The following AUTS2 variants were observed in gnomAD, a reference collection of about 807,000 sequenced individuals.
AUTS2 encodes the protein autism susceptibility gene 2 protein.
A neutral mutation model predicts 112.4 loss-of-function variants in AUTS2; 17 were observed. The observed-to-expected ratio is 0.15, with a 90% CI of 0.10 to 0.23. AUTS2 has a LOEUF of 0.23. Ranked by LOEUF, AUTS2 falls within the 10% of genes least tolerant of loss-of-function variation. The pLI is 1.00. For missense variants in AUTS2, 1,510 were observed against 1,701.6 expected, an observed-to-expected ratio of 0.89 and a Z score of 1.98; for synonymous variants, 751 against 702.7, an observed-to-expected ratio of 1.07 and a Z score of -1.09.
At chr7:70,332,107 A>G (rs1790779310) in intron 4 of AUTS2, among the ~76,000 whole-genome samples, 1 of 152,264 alleles carries the variant, frequency 6.6e-6, no homozygotes, top group African/African-American at 2.4e-5. Context: ...AAGCAACTTC[A>G]GCAAAATCCC....
chr7:70,145,609 T>C (rs1807084881), intron 4 of AUTS2, among the ~76,000 whole-genome samples: 2 of 152,150 alleles, frequency 1.3e-5, no homozygotes, highest in South Asian at 4.1e-4. Context: ...CTATTATTTG[T>C]AGTAGGTCTA....
chr7:70,276,948 G>T (rs1787957109), intron 4 of AUTS2, among the ~76,000 whole-genome samples: 1 of 152,172 alleles, frequency 6.6e-6, no homozygotes, highest in Non-Finnish European at 1.5e-5. Context: ...GGAAAGATGT[G>T]GGGAAGGGGA....
At chr7:70,304,717 CTTTTTTTTTTT>C (rs11464532) in intron 4 of AUTS2, among the ~76,000 whole-genome samples, 1 of 101,324 alleles carries the variant, frequency 9.9e-6, no homozygotes, top group Non-Finnish European at 1.9e-5. Flanking sequence ...GGATTTTTAA[CTTTTTTTTTTT>C]TTTTTTTTTT....
chr7:70,477,024 A>G (rs543507893), intron 5 of AUTS2, among the ~76,000 whole-genome samples: 29 of 152,320 alleles, frequency 1.9e-4, no homozygotes, highest in African/African-American at 6.3e-4. Context: ...GTCCTCTAGG[A>G]TATGTTACTT....
chr7:70,129,901 T>TTGTG lies in AUTS2; in HGVS notation c.625-4609_625-4606dup, dbSNP rs34163076. On this transcript the variant is annotated intron_variant, in intron 3 of 18. Transcript: ENST00000342771. ...TCTCAATCAAATATATATATATATA[T>TTGTG]TGTGTGTGTGTGTGTGTGTGTGTGT... Among the ~76,000 whole-genome samples the TTGTG allele has an allele frequency of 6.0e-3, 881 of 147,396 alleles. 4 individuals carry two copies. Among genetic ancestry groups the TTGTG allele is most frequent in the Middle Eastern group, 0.018 (5 of 284 alleles).
Position 70,453,462 on chromosome 7 carries a change from C to T in AUTS2, c.690+17681C>T, listed in dbSNP as rs146652060. Among the ~76,000 whole-genome samples the T allele has an allele frequency of 1.6e-3, 247 of 152,248 alleles. 2 individuals are homozygous for T. In the East Asian group the frequency reaches 0.023, roughly 14 times the overall value. On this transcript the variant is annotated intron_variant, in intron 5 of 18. Coordinates refer to ENST00000342771, the MANE Select transcript of AUTS2 (RefSeq NM_015570.4). ...CAGAATGCCTGATAGTGGCTTTGTC[C>T]GTGTATTAGTTTCCTGTGGCTGTTC...
intron 2 of AUTS2, among the ~76,000 whole-genome samples, chr7:69,919,792 A>T (rs1795736826): frequency 1.3e-5 from 2 of 152,204 alleles, no homozygotes; most frequent in Non-Finnish European, 2.9e-5. Flanking sequence ...GATTAAAAAA[A>T]CTAGGAACTA....
intron 5 of AUTS2, among the ~76,000 whole-genome samples, chr7:70,518,204 T>A (rs1346036398): frequency 6.6e-6 from 1 of 152,204 alleles, no homozygotes; most frequent in Non-Finnish European, 1.5e-5. Context: ...TCTAAAATTA[T>A]TTTTTACAAT....
At chr7:70,258,592 T>A (rs1451532125) in intron 4 of AUTS2, among the ~76,000 whole-genome samples, 1 of 152,142 alleles carries the variant, frequency 6.6e-6, no homozygotes, top group Non-Finnish European at 1.5e-5. Context: ...AGGGTTTCAT[T>A]TTTGGAACAT....
chr7:70,038,400 A>G (rs1162163559), intron 2 of AUTS2, among the ~76,000 whole-genome samples: 1 of 152,184 alleles, frequency 6.6e-6, no homozygotes, highest in Non-Finnish European at 1.5e-5. Flanking sequence ...CACGGTTTCA[A>G]AACTGGATCT....
Position 70,766,495 on chromosome 7 carries a change from C to T in AUTS2, c.1689+161C>T. ...ATGTGTCCTAGTGCCCTGCCTCAGG[C>T]AGCTCTGACTTCAGGGGCCTAAAGT... On this transcript the variant is annotated intron_variant, in intron 9 of 18. Transcript: ENST00000342771. The surrounding 1 kb of genome is among the most constrained non-coding windows in gnomAD (Gnocchi z 4.8). 1 of 928,050 alleles carries T rather than the reference C, an allele frequency of 1.1e-6. No individual in the cohort carries two copies. The highest frequency in any genetic ancestry group is 1.6e-6 in the Non-Finnish European group (1 of 610,842). 57.5% of individuals were successfully genotyped at this position (928,050 alleles called of 1,614,324 possible).
rs1025269607 is a variant in AUTS2, at chr7:69,761,817, G to T, written c.310-137469G>T. ...AATACCAATATTTCAGGATTACTTC[G>T]ACTCTTGTCCTGCTGCCTCCCACTG... On this transcript the variant is annotated intron_variant, in intron 1 of 18. Coordinates refer to ENST00000342771, the MANE Select transcript of AUTS2 (RefSeq NM_015570.4). 1.3e-4 allele frequency among the ~76,000 whole-genome samples: 20 copies of T among 152,138 alleles called. 1 individual carries two copies. Among genetic ancestry groups the T allele is most frequent in the African/African-American group, 4.8e-4 (20 of 41,428 alleles).
chr7:70,235,471 G>T lies in AUTS2; in HGVS notation c.660+100900G>T, dbSNP rs187655271. Among the ~76,000 whole-genome samples the T allele has an allele frequency of 9.9e-5, 15 of 152,178 alleles. No homozygotes were observed. In the East Asian group the frequency reaches 2.9e-3, roughly 29 times the overall value. ...TTTTAAGCTTATTGTGTGCATGTTG[G>T]TTGTGTCACCAGCCGGGAGGGGCTT... On this transcript the variant is annotated intron_variant, in intron 4 of 18. Coordinates refer to ENST00000342771, the MANE Select transcript of AUTS2 (RefSeq NM_015570.4).
rs748352884 is a variant in AUTS2, at chr7:69,899,295, G to A, written c.319G>A (p.Ala107Thr). The A allele has an allele frequency of 3.7e-5, 59 of 1,612,310 alleles. No homozygotes were observed. In the Middle Eastern group the frequency reaches 4.9e-4, roughly 13 times the overall value. Residue 107 changes from alanine (A) to threonine (T), a missense_variant, in exon 2 of 19, where the codon GCA becomes ACA. This residue lies in a region of AUTS2 where 535 missense variants were observed against 594.3 expected (regional missense o/e 0.90). Coordinates refer to ENST00000342771, the MANE Select transcript of AUTS2 (RefSeq NM_015570.4). ...VTFEALEKDV[A>T]LKPQERVEKR... ...CTCTTCTTTTCTACAGAAAGATGTA[G>A]CACTTAAGCCTCAGGAACGTGTGGA...
intron 3 of AUTS2, among the ~76,000 whole-genome samples, chr7:70,131,852 T>C (rs1806289111): frequency 6.6e-6 from 1 of 151,968 alleles, no homozygotes; most frequent in African/African-American, 2.4e-5. Flanking sequence ...ACCAATACTT[T>C]AATGGTGGGG....
At chr7:70,064,199 A>AT (rs1327722076) in intron 2 of AUTS2, among the ~76,000 whole-genome samples, 1 of 152,152 alleles carries the variant, frequency 6.6e-6, no homozygotes, top group East Asian at 1.9e-4. Flanking sequence ...CGTGTACACC[A>AT]TGCTGATTTA....
intron 1 of AUTS2, among the ~76,000 whole-genome samples, chr7:69,845,718 G>C (rs1428723206): frequency 6.6e-6 from 1 of 152,120 alleles, no homozygotes; most frequent in African/African-American, 2.4e-5. Context: ...CACTGCATAG[G>C]GTGGCCCTCT....
At chr7:70,436,481 G>A (rs1164356891) in intron 5 of AUTS2, 5 of 152,182 alleles carry the variant, frequency 3.3e-5, no homozygotes, top group Admixed American at 2.6e-4. Flanking sequence ...TGAAGCAAAG[G>A]GATTATTTGT....
intron 5 of AUTS2, among the ~76,000 whole-genome samples, chr7:70,455,986 G>A (rs939246835): frequency 4.6e-5 from 7 of 152,072 alleles, no homozygotes; most frequent in Admixed American, 2.6e-4. Context: ...GTCACCTACC[G>A]GCCTCTAAAC....
Sources: gnomAD v4.1 joint callset for allele counts (sites outside exome capture counted in the v4.1 genomes callset) on GRCh38, gnomAD v4.1.1 for gene constraint, gnomAD v4.1.1 regional missense constraint, Gnocchi (gnomAD v3.1) non-coding constraint, MANE v1.5 for transcripts, NCBI Gene and HGNC (gene_info 2026-07-23, HGNC 2026-07-21) for gene names.